Variants in COBLL1 observed in about 807,000 individuals in gnomAD.
COBLL1 encodes cordon-bleu protein-like 1.
In COBLL1, 50 loss-of-function variants were observed where a neutral mutation model predicts 94.8. The ratio of observed to expected loss-of-function variants is 0.53; its 90% CI spans 0.42 to 0.67. The LOEUF (loss-of-function observed/expected upper bound fraction) is 0.67, where lower values mean the gene tolerates loss of function less well. COBLL1 is among the 30% of genes least tolerant of loss of function. The pLI, the probability that COBLL1 is intolerant of heterozygous loss-of-function variation, is 0.00. For missense variants in COBLL1, 1,362 were observed against 1,348.7 expected (o/e 1.01, Z -0.15); for synonymous variants, 448 against 473.8 (o/e 0.95, Z 0.71).
At chr2:164,675,310 C>T (rs1162732012), downstream of COBLL1, among the ~76,000 whole-genome samples, 1 of 152,166 alleles carries the variant, frequency 6.6e-6, no homozygotes, top group Non-Finnish European at 1.5e-5. Flanking sequence ...TTCTTCTAAT[C>T]CCACTGTCAG....
intron 2 of COBLL1, among the ~76,000 whole-genome samples, chr2:164,835,669 A>G (rs1451676163): frequency 6.6e-6 from 1 of 152,202 alleles, no homozygotes; most frequent in Non-Finnish European, 1.5e-5. Context: ...ATTTTACCAC[A>G]ATGGAGAAAA....
Position 164,718,227 on chromosome 2 carries a change from G to A in COBLL1, c.996+3848C>T, listed in dbSNP as rs1685273864. On this transcript the variant is annotated intron_variant, in intron 7 of 13. Coordinates refer to ENST00000652658, the MANE Select transcript of COBLL1 (RefSeq NM_001365672.2). ...TACCATGTTACAGAATTTTGCTGGA[G>A]AACACAATTCCTGCCTTCTGGGTGG... 5 of 983,082 alleles carry A rather than the reference G, an allele frequency of 5.1e-6. No homozygotes were observed. The Admixed American group carries it at 3.1e-4, about 61-fold the overall frequency. The allele number at this position is 983,082 out of a possible 1,614,324, so 60.9% of individuals were successfully genotyped here.
At chr2:164,798,673 T>C (rs1001476761) in intron 2 of COBLL1, among the ~76,000 whole-genome samples, 1 of 152,136 alleles carries the variant, frequency 6.6e-6, no homozygotes, top group African/African-American at 2.4e-5. Flanking sequence ...TTTCAAATTA[T>C]TTGGTTCTAT....
intron 2 of COBLL1, among the ~76,000 whole-genome samples, chr2:164,818,943 T>A (rs1037502): frequency 1.3e-5 from 2 of 151,380 alleles, no homozygotes; most frequent in East Asian, 1.9e-4. Flanking sequence ...CTTTTTTTTT[T>A]ATTTTTTGGT....
chr2:164,777,242 A>G (rs181802935), intron 2 of COBLL1, among the ~76,000 whole-genome samples: 33 of 152,028 alleles, frequency 2.2e-4, no homozygotes, highest in Non-Finnish European at 4.1e-4. Flanking sequence ...TACAAACCTT[A>G]CTATTGGTTT....
intron 2 of COBLL1, among the ~76,000 whole-genome samples, chr2:164,764,423 A>T (rs1024361968): frequency 1.3e-5 from 2 of 152,222 alleles, no homozygotes; most frequent in Admixed American, 1.3e-4. Context: ...TTAAATAAAA[A>T]TGCTATAACT....
At chr2:164,801,504 C>CCTAGCTT (rs1683802775) in intron 2 of COBLL1, among the ~76,000 whole-genome samples, 1 of 144,340 alleles carries the variant, frequency 6.9e-6, no homozygotes, top group African/African-American at 2.6e-5. Flanking sequence ...CACCTGTAGT[C>CCTAGCTT]CTAGCTTCTT....
chr2:164,718,919 G>A (rs1020192390), intron 7 of COBLL1, among the ~76,000 whole-genome samples: 1 of 151,806 alleles, frequency 6.6e-6, no homozygotes, highest in African/African-American at 2.4e-5. Context: ...TCCTATCAAT[G>A]AGGAGGCATT....
At chr2:164,799,019 CAAAAAAA>C (rs555113117) in intron 2 of COBLL1, among the ~76,000 whole-genome samples, 6 of 69,838 alleles carry the variant, frequency 8.6e-5, no homozygotes, top group Non-Finnish European at 7.5e-5. Context: ...GACTCCGTCT[CAAAAAAA>C]AAAAAAAAAA....
chr2:164,758,250 G>A (rs113266087), intron 2 of COBLL1, among the ~76,000 whole-genome samples: 2,198 of 150,774 alleles, frequency 0.015, 25 homozygotes, highest in Non-Finnish European at 0.023. Context: ...ACTAAACAAT[G>A]GCAAAGATGT....
intron 13 of COBLL1, among the ~76,000 whole-genome samples, chr2:164,689,911 C>T (rs1435195084): frequency 6.6e-6 from 1 of 152,064 alleles, no homozygotes; most frequent in Non-Finnish European, 1.5e-5. Context: ...AAAATAACTG[C>T]CACTTATGCA....
chr2:164,659,229 G>A (rs1019805092), intron 2 of COBLL1, among the ~76,000 whole-genome samples: 1 of 152,090 alleles, frequency 6.6e-6, no homozygotes, highest in African/African-American at 2.4e-5. Flanking sequence ...GGAGTGAGGG[G>A]ATTACTTTAA....
At chr2:164,697,914 A>G (rs962751123) in intron 11 of COBLL1, 1 of 152,070 alleles carries the variant, frequency 6.6e-6, no homozygotes, top group Non-Finnish European at 1.5e-5. Flanking sequence ...GTGACCCTCT[A>G]CTCAAAAGTG....
At position 164,722,172 on chromosome 2, in the gene COBLL1, A is replaced by G; in HGVS notation, c.899T>C (p.Met300Thr). Residue 300 changes from methionine (M) to threonine (T), a missense_variant, in exon 7 of 14, where the codon ATG becomes ACG. Met to Thr is a moderately conservative substitution (Grantham distance 81). Transcript: ENST00000652658. ...PKKRRAPLPP[M>T]PASQSVPQDL... ...TTGGGGGACACTCTGAGATGCTGGC[A>G]TCGGGGGCAGTGGAGCCCGCCTCTT... 6.2e-7 allele frequency: 1 copy of G among 1,614,118 alleles called. No homozygotes were observed. Among genetic ancestry groups the G allele is most frequent in the Non-Finnish European group, 8.5e-7 (1 of 1,179,986 alleles).
chr2:164,841,138 G>C lies in COBLL1; in HGVS notation c.41+18C>G. 1 of 1,229,614 alleles carries C rather than the reference G, an allele frequency of 8.1e-7. No individual in the cohort carries two copies. Among genetic ancestry groups the C allele is most frequent in the Non-Finnish European group, 1.0e-6 (1 of 986,556 alleles). The allele number at this position is 1,229,614 out of a possible 1,614,324, so 76.2% of individuals were successfully genotyped here. A position where few individuals can be genotyped will look rare whatever the true frequency, so the allele number is the denominator to read the frequency against. On this transcript the variant is annotated intron_variant, in intron 2 of 13. Transcript: ENST00000652658. The surrounding 1 kb of genome is among the most constrained non-coding windows in gnomAD (Gnocchi z 5.5). ...CTCGCCCTCCCCGGTGAGAGGCGGC[G>C]CGGCGCTCTGGGCTTACCTGGCTGG...
upstream of COBLL1, chr2:164,841,995 GC>G: frequency 6.5e-7 from 1 of 1,539,856 alleles, no homozygotes; most frequent in Non-Finnish European, 8.7e-7. The surrounding 1 kb of genome is among the most constrained non-coding windows in gnomAD (Gnocchi z 5.5). Context: ...GGAGCTCGCC[GC>G]CGCCTCTGCA....
chr2:164,731,561 C>A (rs780305851), intron 3 of COBLL1, among the ~76,000 whole-genome samples: 9 of 152,150 alleles, frequency 5.9e-5, no homozygotes, highest in Non-Finnish European at 1.2e-4. Context: ...TCAGGTGATC[C>A]TAAACTGTTA....
intron 2 of COBLL1, among the ~76,000 whole-genome samples, chr2:164,825,959 T>TA (rs1325427873): frequency 1.3e-5 from 2 of 152,134 alleles, no homozygotes; most frequent in Non-Finnish European, 2.9e-5. Flanking sequence ...AATCCATGTG[T>TA]AAAAAAAGTA....
chr2:164,760,128 C>T (rs1217491450), intron 2 of COBLL1, among the ~76,000 whole-genome samples: 1 of 152,040 alleles, frequency 6.6e-6, no homozygotes, highest in African/African-American at 2.4e-5. Flanking sequence ...TCATAAAGAC[C>T]CAAACTGGAA....
Sources: gnomAD v4.1 joint callset for allele counts (sites outside exome capture counted in the v4.1 genomes callset) on GRCh38, gnomAD v4.1.1 for gene constraint, Gnocchi (gnomAD v3.1) non-coding constraint, MANE v1.5 for transcripts, NCBI Gene and HGNC (gene_info 2026-07-23, HGNC 2026-07-21) for gene names.